FSTL4: variants seen among roughly 807,000 people sequenced by gnomAD.
FSTL4 encodes follistatin like 4.
Under a neutral mutation model 78.2 loss-of-function variants are expected in FSTL4, and 28 were observed. The observed-to-expected ratio is 0.36, with a 90% CI of 0.27 to 0.49. The LOEUF (loss-of-function observed/expected upper bound fraction) is 0.49. Among genes scored for constraint, FSTL4 ranks in the 20% least tolerant of loss-of-function variants. The pLI is 0.98. For synonymous variants in FSTL4, 422 were observed against 440.5 expected (o/e 0.96, Z 0.53); for missense variants, 922 against 1,084.9 (o/e 0.85, Z 2.11).
the FSTL4 span, among the ~76,000 whole-genome samples, chr5:133,766,683 T>TG: frequency 6.6e-6 from 1 of 152,136 alleles, no homozygotes; most frequent in East Asian, 1.9e-4. Context: ...GAGCTGGGTG[T>TG]GGAGGGTTAA....
At chr5:133,776,687 C>A in the FSTL4 span, among the ~76,000 whole-genome samples, 2 of 152,186 alleles carry the variant, frequency 1.3e-5, no homozygotes, top group African/African-American at 4.8e-5. Flanking sequence ...CCTGATCACA[C>A]CGAGTACTTA....
chr5:133,214,286 G>A (rs963376102), intron 13 of FSTL4, among the ~76,000 whole-genome samples: 1 of 152,172 alleles, frequency 6.6e-6, no homozygotes, highest in African/African-American at 2.4e-5. Flanking sequence ...CATAAAACAA[G>A]CTTCAATAAA....
chr5:133,220,831 C>T lies in FSTL4; in HGVS notation c.1375G>A (p.Asp459Asn), dbSNP rs140221506. Residue 459 changes from aspartate (D) to asparagine (N), a missense_variant, in exon 12 of 16, where the codon GAC becomes AAC. Physicochemically the swap from Asp to Asn is conservative, Grantham distance 23 (BLOSUM62 1). Transcript: ENST00000265342. ...SVGNMFYVFS[D>N]DGIIVIHPVD... is the part of the protein sequence containing the mutation. ...GGATGGATGACGATGATACCGTCGT[C>T]GGAGAAGACATAGAACATGTTTCCC... is the stretch of plus-strand genomic sequence containing the variant. The T allele has an allele frequency of 7.5e-3, 12,087 of 1,612,358 alleles. 77 individuals are homozygous for T. Among genetic ancestry groups the T allele is most frequent in the Non-Finnish European group, 8.3e-3 (9,745 of 1,178,410 alleles).
chr5:133,382,291 G>T (rs904112694), intron 4 of FSTL4, among the ~76,000 whole-genome samples: 1 of 152,232 alleles, frequency 6.6e-6, no homozygotes, highest in African/African-American at 2.4e-5. Context: ...ACCCATGCTG[G>T]ATGTACTGCG....
At chr5:133,537,874 A>T (rs1240959577) in intron 3 of FSTL4, among the ~76,000 whole-genome samples, 1 of 151,520 alleles carries the variant, frequency 6.6e-6, no homozygotes, top group East Asian at 1.9e-4. Flanking sequence ...TATATATATA[A>T]ATATATAGGC....
chr5:133,425,853 A>C (rs1352729319), intron 3 of FSTL4, among the ~76,000 whole-genome samples: 1 of 152,236 alleles, frequency 6.6e-6, no homozygotes, highest in Non-Finnish European at 1.5e-5. Flanking sequence ...CTGCACGATA[A>C]GCCAAGTGGC....
At chr5:133,764,285 G>C in the FSTL4 span, among the ~76,000 whole-genome samples, 1 of 152,102 alleles carries the variant, frequency 6.6e-6, no homozygotes, top group Non-Finnish European at 1.5e-5. Context: ...CAGGCAGAGG[G>C]CTCTGGGATC....
intron 2 of FSTL4, 100 bp from the exon 3 acceptor site, chr5:133,567,319 G>A: frequency 1.1e-6 from 1 of 881,730 alleles, no homozygotes; most frequent in South Asian, 1.4e-5. Context: ...TTATGAAAAG[G>A]TGAACAATCT....
the FSTL4 span, among the ~76,000 whole-genome samples, chr5:133,709,846 T>C: frequency 6.6e-6 from 1 of 152,188 alleles, no homozygotes; most frequent in African/African-American, 2.4e-5. Flanking sequence ...ATGTTGGAGA[T>C]TAATATTATT....
the FSTL4 span, among the ~76,000 whole-genome samples, chr5:133,712,739 G>T: frequency 2.6e-5 from 4 of 152,214 alleles, no homozygotes; most frequent in African/African-American, 9.7e-5. Context: ...CTAAGCAGAT[G>T]TCAGCACTGA....
chr5:133,827,135 G>A, the FSTL4 span, among the ~76,000 whole-genome samples: 8 of 152,228 alleles, frequency 5.3e-5, no homozygotes, highest in Non-Finnish European at 8.8e-5. Context: ...TTATGATACC[G>A]CATCATCCTC....
chr5:133,779,747 G>A, the FSTL4 span, among the ~76,000 whole-genome samples: 5 of 152,006 alleles, frequency 3.3e-5, no homozygotes, highest in Non-Finnish European at 7.4e-5. Context: ...CTCCAGCCTC[G>A]GCTCTATCCC....
intron 3 of FSTL4, among the ~76,000 whole-genome samples, chr5:133,526,672 G>A (rs564000182): frequency 4.6e-5 from 7 of 152,228 alleles, no homozygotes; most frequent in African/African-American, 1.4e-4. Context: ...GTGAAGTGGC[G>A]CTATGCAGGC....
intron 7 of FSTL4, among the ~76,000 whole-genome samples, chr5:133,238,841 A>G (rs1243786215): frequency 1.3e-5 from 2 of 152,224 alleles, no homozygotes; most frequent in Admixed American, 1.3e-4. Context: ...CAGCCCTCGC[A>G]GCCCTTGCTC....
chr5:133,568,673 G>A (rs973517365), intron 2 of FSTL4, among the ~76,000 whole-genome samples: 2 of 152,170 alleles, frequency 1.3e-5, no homozygotes, highest in Admixed American at 1.3e-4. Context: ...GTTAAATGCA[G>A]GAAACATAAG....
At chr5:133,209,396 G>C (rs544060048) in intron 14 of FSTL4, among the ~76,000 whole-genome samples, 1 of 150,632 alleles carries the variant, frequency 6.6e-6, no homozygotes, top group Non-Finnish European at 1.5e-5. Flanking sequence ...TGGGTTCTGA[G>C]AGAGAGAGAG....
intron 3 of FSTL4, among the ~76,000 whole-genome samples, chr5:133,418,941 C>T (rs934522876): frequency 6.6e-6 from 1 of 152,168 alleles, no homozygotes; most frequent in African/African-American, 2.4e-5. Flanking sequence ...TGGCTTTTGT[C>T]ATCAGACATT....
In FSTL4 at chr5:133,210,217, C is replaced by A; in HGVS notation, c.1690G>T (p.Val564Leu). The part of the protein sequence containing the change: ...DQVWVLSWGD[V>L]HKSRPSLQVI... Reference sequence around the variant, plus strand: ...TGGAGACTTGGTCGGGACTTGTGCACGTCCCCCCAGCTCAGGACCCACACT... The same window carrying A: ...TGGAGACTTGGTCGGGACTTGTGCAAGTCCCCCCAGCTCAGGACCCACACT... Residue 564 changes from valine to leucine, a missense_variant, in exon 14 of 16, where the codon GTG becomes TTG. Val to Leu is a conservative substitution (Grantham distance 32, BLOSUM62 1). Transcript: ENST00000265342. 1 of 1,607,006 alleles carries A rather than the reference C, an allele frequency of 6.2e-7. No individual in the cohort carries two copies. The highest frequency in any genetic ancestry group is 8.5e-7 in the Non-Finnish European group (1 of 1,173,640).
chr5:133,217,755 C>G (rs925655770), intron 12 of FSTL4, among the ~76,000 whole-genome samples: 4 of 152,172 alleles, frequency 2.6e-5, no homozygotes, highest in African/African-American at 4.8e-5. Flanking sequence ...CACTCTGGCT[C>G]TAGTCCTCAG....
Sources: allele counts gnomAD v4.1 joint callset (sites outside exome capture counted in the v4.1 genomes callset), GRCh38; gene constraint gnomAD v4.1.1; transcripts MANE v1.5; gene names NCBI Gene and HGNC (gene_info 2026-07-23, HGNC 2026-07-21).